OPCML: variants seen among roughly 807,000 people sequenced by gnomAD.
The protein encoded by OPCML is opioid binding protein/cell adhesion molecule like, also known as opioid-binding protein/cell adhesion molecule.
A neutral mutation model predicts 37.8 loss-of-function variants in OPCML; 13 were observed. That is an observed-to-expected ratio of 0.34 (90% confidence interval 0.22 to 0.55). OPCML has a LOEUF of 0.55. Among genes scored for constraint, OPCML ranks in the 20% least tolerant of loss-of-function variants. OPCML has a pLI of 0.91. For missense variants in OPCML, 341 were observed against 435.6 expected, an observed-to-expected ratio of 0.78 and a Z score of 1.93; for synonymous variants, 176 against 168.8, an observed-to-expected ratio of 1.04 and a Z score of -0.33.
At chr11:132,760,076 A>G (rs552723046) in intron 2 of OPCML, among the ~76,000 whole-genome samples, 1 of 152,288 alleles carries the variant, frequency 6.6e-6, no homozygotes, top group African/African-American at 2.4e-5. Context: ...ATTCAGGAGC[A>G]GGTTGTTCAG....
chr11:133,162,184 C>A (rs1592062189), intron 1 of OPCML, among the ~76,000 whole-genome samples: 1 of 151,908 alleles, frequency 6.6e-6, no homozygotes. Flanking sequence ...GTCTACACTG[C>A]AGAAAAGATG....
At chr11:133,517,194 A>G (rs11825481) in intron 1 of OPCML, among the ~76,000 whole-genome samples, 1,927 of 152,372 alleles carry the variant, frequency 0.013, 28 homozygotes, top group African/African-American at 0.044. Context: ...AGGAAGGAAT[A>G]TCAGAATTCC....
chr11:132,825,437 T>G (rs1232812682), intron 2 of OPCML, among the ~76,000 whole-genome samples: 1 of 152,208 alleles, frequency 6.6e-6, no homozygotes, highest in East Asian at 1.9e-4. Flanking sequence ...CTCCTCCATT[T>G]GACAGGGTGA....
At chr11:132,500,328 T>C (rs2096242874) in intron 4 of OPCML, among the ~76,000 whole-genome samples, 1 of 152,202 alleles carries the variant, frequency 6.6e-6, no homozygotes, top group South Asian at 2.1e-4. Context: ...ATGAAATATA[T>C]AATTTTTACC....
intron 1 of OPCML, among the ~76,000 whole-genome samples, chr11:133,254,068 A>G (rs1227644010): frequency 6.6e-6 from 1 of 152,234 alleles, no homozygotes; most frequent in Non-Finnish European, 1.5e-5. Context: ...CAGAACCTCA[A>G]TTCACTAAGA....
At chr11:132,610,709 A>C (rs920531314) in intron 3 of OPCML, among the ~76,000 whole-genome samples, 1 of 152,170 alleles carries the variant, frequency 6.6e-6, no homozygotes, top group Admixed American at 6.5e-5. Context: ...TTTCATTTGA[A>C]AACTGTCATT....
intron 2 of OPCML, among the ~76,000 whole-genome samples, chr11:132,690,908 AT>A (rs1309426578): frequency 6.6e-6 from 1 of 152,236 alleles, no homozygotes; most frequent in Admixed American, 6.5e-5. Flanking sequence ...GAGATTCCAT[AT>A]AGAAAAGTGC....
At chr11:132,442,909 G>A (rs2136788168) in intron 4 of OPCML, among the ~76,000 whole-genome samples, 1 of 152,262 alleles carries the variant, frequency 6.6e-6, no homozygotes, top group African/African-American at 2.4e-5. Context: ...TTTATTAGCA[G>A]CGTAAGAACA....
intron 1 of OPCML, chr11:133,365,550 A>C (rs1307709418): frequency 1.3e-5 from 2 of 152,184 alleles, no homozygotes; most frequent in Non-Finnish European, 2.9e-5. Flanking sequence ...CATCCTGTTG[A>C]AGGTCAGGAG....
At chr11:132,427,868 CTG>C in intron 7 of OPCML, among the ~76,000 whole-genome samples, 1 of 152,184 alleles carries the variant, frequency 6.6e-6, no homozygotes, top group East Asian at 1.9e-4. Flanking sequence ...TGGGAAATGT[CTG>C]CAGTTTTTTT....
intron 1 of OPCML, among the ~76,000 whole-genome samples, chr11:133,043,408 C>T (rs1947945764): frequency 6.6e-6 from 1 of 152,206 alleles, no homozygotes; most frequent in Non-Finnish European, 1.5e-5. Flanking sequence ...GGGCTCCACT[C>T]ATCAGCCCCT....
At chr11:132,910,614 C>T (rs1565956618) in intron 2 of OPCML, among the ~76,000 whole-genome samples, 1 of 152,170 alleles carries the variant, frequency 6.6e-6, no homozygotes, top group Non-Finnish European at 1.5e-5. Flanking sequence ...CAGTGCCTCC[C>T]ATTACGTGAG....
At chr11:132,673,545 T>G (rs553437668) in intron 2 of OPCML, among the ~76,000 whole-genome samples, 97 of 152,242 alleles carry the variant, frequency 6.4e-4, no homozygotes, top group Non-Finnish European at 1.2e-3. Flanking sequence ...CCAGGTTGAT[T>G]AGCTGTATTT....
chr11:133,199,779 G>T (rs960591858), intron 1 of OPCML, among the ~76,000 whole-genome samples: 1 of 152,070 alleles, frequency 6.6e-6, no homozygotes, highest in African/African-American at 2.4e-5. Context: ...ACCATTGCTT[G>T]TCTTTTTTGG....
At chr11:132,973,152 C>G (rs901875298) in intron 1 of OPCML, among the ~76,000 whole-genome samples, 1 of 152,178 alleles carries the variant, frequency 6.6e-6, no homozygotes, top group African/African-American at 2.4e-5. Context: ...GTCTCTTCAT[C>G]CTCAATTTCT....
At chr11:132,763,816 C>T (rs1465408042) in intron 2 of OPCML, among the ~76,000 whole-genome samples, 5 of 152,196 alleles carry the variant, frequency 3.3e-5, no homozygotes, top group Non-Finnish European at 7.3e-5. Flanking sequence ...CACCAAGCTG[C>T]TCTCTCACTG....
At chr11:132,492,191 T>A (rs180957631) in intron 4 of OPCML, among the ~76,000 whole-genome samples, 38 of 152,066 alleles carry the variant, frequency 2.5e-4, no homozygotes, top group Admixed American at 9.8e-4. Context: ...AGACCCATGG[T>A]AAAGATTCTG....
chr11:132,528,750 C>A (rs2096315383), intron 4 of OPCML, among the ~76,000 whole-genome samples: 1 of 152,308 alleles, frequency 6.6e-6, no homozygotes, highest in East Asian at 1.9e-4. Flanking sequence ...AAGAACAAAC[C>A]ACCAACTGAC....
At chr11:132,969,540 A>G (rs1035508062) in intron 1 of OPCML, among the ~76,000 whole-genome samples, 1 of 152,080 alleles carries the variant, frequency 6.6e-6, no homozygotes, top group Non-Finnish European at 1.5e-5. Context: ...CCCCCCTGCA[A>G]CTGTGTTTAA....
Sources: allele counts gnomAD v4.1 joint callset (sites outside exome capture counted in the v4.1 genomes callset), GRCh38; gene constraint gnomAD v4.1.1; transcripts MANE v1.5; gene names NCBI Gene and HGNC (gene_info 2026-07-23, HGNC 2026-07-21).